Variants in VDR observed in about 807,000 individuals in gnomAD.
VDR encodes the protein vitamin D receptor, also known as vitamin D3 receptor.
Under a neutral mutation model 39.7 loss-of-function variants are expected in VDR, and 19 were observed. The ratio of observed to expected loss-of-function variants is 0.48; its 90% CI spans 0.33 to 0.70. The LOEUF is 0.70. Ranked by LOEUF, VDR falls within the 30% of genes least tolerant of loss-of-function variation. The pLI, the probability that VDR is intolerant of heterozygous loss-of-function variation, is 0.02. For synonymous variants in VDR, 242 were observed against 215.8 expected, an observed-to-expected ratio of 1.12 and a Z score of -1.07; for missense variants, 442 against 570.5, an observed-to-expected ratio of 0.77 and a Z score of 2.29.
intron 1 of VDR, chr12:47,896,924 G>A (rs1946474634): frequency 6.6e-6 from 1 of 152,224 alleles, no homozygotes; most frequent in Non-Finnish European, 1.5e-5. Flanking sequence ...TGGCCAGATT[G>A]GAACTGCCCC....
intron 3 of VDR, 105 bp from the exon 4 acceptor site, chr12:47,865,282 A>G: frequency 6.4e-7 from 1 of 1,561,284 alleles, no homozygotes; most frequent in Non-Finnish European, 8.7e-7. Flanking sequence ...CATTTCTCCA[A>G]CAGAAGACAT....
intron 2 of VDR, among the ~76,000 whole-genome samples, chr12:47,880,540 C>T (rs949503757): frequency 1.4e-4 from 21 of 152,186 alleles, no homozygotes; most frequent in African/African-American, 5.1e-4. Flanking sequence ...CAAAGAGCTT[C>T]ACACCAAGGG....
At chr12:47,882,623 G>GGGCCCGGGGCCCCCCCC in intron 2 of VDR, 71 bp downstream of exon 2, 3 of 543,280 alleles carry the variant, frequency 5.5e-6, no homozygotes, top group Non-Finnish European at 3.2e-6. Flanking sequence ...ACCTTCTTAT[G>GGGCCCGGGGCCCCCCCC]CCCCTCCCCC....
chr12:47,854,386 CAA>C (rs1945443265), intron 7 of VDR, among the ~76,000 whole-genome samples: 1 of 152,192 alleles, frequency 6.6e-6, no homozygotes, highest in Non-Finnish European at 1.5e-5. Context: ...CTCAGTCTCT[CAA>C]AGTGTTGGGA....
Position 47,844,850 on chromosome 12 carries a change from T to G in VDR, c.1180A>C (p.Asn394His). 2 of 1,614,152 alleles carry G rather than the reference T, an allele frequency of 1.2e-6. No homozygotes were observed. The highest frequency in any genetic ancestry group is 4.5e-5 in the East Asian group (2 of 44,876). ...CGGTACTGCTTGGAGTGCTCCTCAT[T>G]GAGGCTGCGCAGGTCGGCTAGCTTC... ...IQKLADLRSL[N>H]EEHSKQYRCL... Residue 394 changes from asparagine (N) to histidine (H), a missense_variant, in exon 10 of 10, where the codon AAT becomes CAT. This residue lies in a region of VDR where 173 missense variants were observed against 252.0 expected (regional missense o/e 0.69). Transcript: ENST00000549336.
chr12:47,865,440 G>A (rs1945711162), intron 3 of VDR, among the ~76,000 whole-genome samples: 1 of 152,142 alleles, frequency 6.6e-6, no homozygotes. Context: ...GGGACAGGGT[G>A]TTGCTTTGTA....
rs1460298067 is a variant in VDR at position 47,842,393 on chromosome 12, G to C, written c.*2353C>G. On this transcript the variant is annotated 3_prime_UTR_variant, in exon 10 of 10. Transcript: ENST00000549336. ...ACTGGGTCAGCCACCTGGGGAATGA[G>C]AGTGGGGGTCTGAGCTCAAACATGG... 3 of 152,420 alleles carry C rather than the reference G, an allele frequency of 2.0e-5. No homozygotes were observed. The highest frequency in any genetic ancestry group is 2.9e-5 in the Non-Finnish European group (2 of 68,088). The allele number at this position is 152,420 out of a possible 1,614,324, so 9.4% of individuals were successfully genotyped here.
At chr12:47,853,897 A>G (rs953493886) in intron 7 of VDR, among the ~76,000 whole-genome samples, 1 of 152,152 alleles carries the variant, frequency 6.6e-6, no homozygotes, top group Non-Finnish European at 1.5e-5. Context: ...ACTCCAGCCT[A>G]GGTGAAAAGA....
At chr12:47,879,394 G>A (rs904561146) in intron 2 of VDR, among the ~76,000 whole-genome samples, 2 of 152,232 alleles carry the variant, frequency 1.3e-5, no homozygotes, top group African/African-American at 4.8e-5. Context: ...GGGTTTAGTG[G>A]TTCACCTCTG....
At chr12:47,890,898 C>T (rs1048631321) in intron 1 of VDR, among the ~76,000 whole-genome samples, 6 of 151,856 alleles carry the variant, frequency 4.0e-5, no homozygotes, top group Admixed American at 6.6e-5. Context: ...CAGAGGGACG[C>T]GATGGGCAGG....
intron 1 of VDR, chr12:47,901,093 C>T (rs1282232509): frequency 2.6e-5 from 4 of 154,990 alleles, no homozygotes; most frequent in African/African-American, 9.6e-5. Flanking sequence ...GGCGGTCTCA[C>T]CACCTACCCC....
intron 6 of VDR, among the ~76,000 whole-genome samples, 194 bp from the exon 7 acceptor site, chr12:47,855,995 G>A (rs1363669002): frequency 1.3e-5 from 2 of 152,202 alleles, no homozygotes; most frequent in African/African-American, 4.8e-5. Flanking sequence ...GCATAAGGCA[G>A]TAAAATCAAA....
intron 1 of VDR, among the ~76,000 whole-genome samples, chr12:47,900,763 G>T (rs1946543365): frequency 6.6e-6 from 1 of 152,154 alleles, no homozygotes; most frequent in Non-Finnish European, 1.5e-5. Context: ...CCAAGCTCCA[G>T]GTTGTCATCA....
At chr12:47,867,074 G>T (rs117363307) in intron 3 of VDR, among the ~76,000 whole-genome samples, 8,315 of 150,642 alleles carry the variant, frequency 0.055, 318 homozygotes, top group Middle Eastern at 0.086. Context: ...GCACCCTTGA[G>T]GCTGGGTGTG....
chr12:47,878,218 C>G (rs1444364156), intron 3 of VDR, among the ~76,000 whole-genome samples: 1 of 152,228 alleles, frequency 6.6e-6, no homozygotes, highest in Non-Finnish European at 1.5e-5. Flanking sequence ...TATTCTCTCT[C>G]TCTCTCTCCA....
chr12:47,844,676 G>T lies in VDR; in HGVS notation c.*70C>A. ...GGGTGAGGAGGGCTGCTGAGTAGCC[G>T]CCAGCCCCGGGCCTGGCACGTGGCC... On this transcript the variant is annotated 3_prime_UTR_variant, in exon 10 of 10. Coordinates refer to ENST00000549336, the MANE Select transcript of VDR (RefSeq NM_000376.3). The T allele has an allele frequency of 1.2e-6, 2 of 1,604,202 alleles. No individual in the cohort carries two copies. The highest frequency in any genetic ancestry group is 1.1e-5 in the South Asian group (1 of 90,600).
At chr12:47,886,710 G>T (rs1476780422) in intron 1 of VDR, among the ~76,000 whole-genome samples, 2 of 152,186 alleles carry the variant, frequency 1.3e-5, no homozygotes, top group Non-Finnish European at 2.9e-5. Context: ...AGATTGGAAG[G>T]CAACAGCACC....
Position 47,878,941 on chromosome 12 carries a change from T to C in VDR, c.146+27A>G, listed in dbSNP as rs762274935. ...TTGCTTCTTCTCCCTCCCTTTCCACTGGGGAGAGCCTGGGAGGAGGGCTCA... is the reference window on the plus strand; with the variant it reads ...TTGCTTCTTCTCCCTCCCTTTCCACCGGGGAGAGCCTGGGAGGAGGGCTCA... On this transcript the variant is annotated intron_variant, in intron 3 of 9. Coordinates refer to ENST00000549336, the MANE Select transcript of VDR (RefSeq NM_000376.3). The C allele has an allele frequency of 4.3e-6, 7 of 1,614,136 alleles. No individual in the cohort carries two copies. The South Asian group carries it at 7.7e-5, about 18-fold the overall frequency.
chr12:47,889,014 T>C (rs1946312513), intron 1 of VDR, among the ~76,000 whole-genome samples: 1 of 152,164 alleles, frequency 6.6e-6, no homozygotes, highest in Non-Finnish European at 1.5e-5. Flanking sequence ...AATATCACTC[T>C]GTATTCCATA....
Sources: gnomAD v4.1 joint callset for allele counts (sites outside exome capture counted in the v4.1 genomes callset) on GRCh38, gnomAD v4.1.1 for gene constraint, gnomAD v4.1.1 regional missense constraint, MANE v1.5 for transcripts, NCBI Gene and HGNC (gene_info 2026-07-23, HGNC 2026-07-21) for gene names.